Variants in APOL2 observed in about 807,000 individuals in gnomAD.
APOL2 encodes apolipoprotein L, 2.
A neutral mutation model predicts 7.1 loss-of-function variants in APOL2; 8 were observed. The observed-to-expected ratio is 1.12, with a 90% confidence interval of 0.66 to 2.03. The LOEUF is 2.03. Among genes scored for constraint, APOL2 ranks in the 30% most tolerant of loss-of-function variants. The probability of loss-of-function intolerance (pLI) is 0.00; values close to 1 mark genes in which losing one functional copy is unlikely to be tolerated. For synonymous variants in APOL2, 177 were observed against 159.9 expected, an observed-to-expected ratio of 1.11 and a Z score of -0.81; for missense variants, 471 against 415.1, an observed-to-expected ratio of 1.13 and a Z score of -1.17.
chr22:36,233,444 G>T lies in APOL2; in HGVS notation c.-122C>A. 1 of 1,550,528 alleles carries T rather than the reference G, an allele frequency of 6.4e-7. No individual in the cohort carries two copies. On this transcript the variant is annotated 5_prime_UTR_variant, in exon 2 of 5. Coordinates refer to ENST00000358502, the MANE Select transcript of APOL2 (RefSeq NM_030882.4). Reference sequence around the variant, plus strand: ...TTCCCTCACTCTCACACCAAGGCAGGGTCCTCTTGTCCTGTAGGGGTATGA... The same window carrying T: ...TTCCCTCACTCTCACACCAAGGCAGTGTCCTCTTGTCCTGTAGGGGTATGA...
rs56009920 is a variant in APOL2, at chr22:36,227,315, CAAAAAAAAAAAAAA to C, written c.*75_*88del. 6.2e-6 allele frequency: 6 copies of C among 961,132 alleles called. No individual in the cohort carries two copies. Among genetic ancestry groups the C allele is most frequent in the East Asian group, 3.1e-5 (1 of 32,266 alleles). The allele number at this position is 961,132 out of a possible 1,614,324, so 59.5% of individuals were successfully genotyped here. ...TGGGCGATAGAGCGAGACTCCATCTCAAAAAAAAAAAAAAAAAAAAAAAAAAGTCTGCATTTTGT... is the reference window on the plus strand; with the variant it reads ...TGGGCGATAGAGCGAGACTCCATCTCAAAAAAAAAAAAGTCTGCATTTTGT... On this transcript the variant is annotated 3_prime_UTR_variant, in exon 5 of 5. Transcript: ENST00000358502.
chr22:36,231,490 A>G (rs931588275), intron 3 of APOL2, 24 bp from the exon 4 acceptor site: 2 of 1,610,422 alleles, frequency 1.2e-6, no homozygotes, highest in African/African-American at 2.7e-5. Flanking sequence ...AGAAAGGATA[A>G]GGTTGGAGGA....
rs571963314 is a variant in APOL2, at chr22:36,226,285, T to A, written c.*1119A>T. The A allele has an allele frequency of 3.4e-4, 52 of 152,414 alleles. No homozygotes were observed. Among genetic ancestry groups the A allele is most frequent in the African/African-American group, 9.1e-4 (38 of 41,574 alleles). The allele number at this position is 152,414 out of a possible 1,614,324, so 9.4% of individuals were successfully genotyped here. ...GCGACAGGACAGCTCTAGAGATCTG[T>A]GCTTCCTCCCAATGCTAAACTGCTT... On this transcript the variant is annotated 3_prime_UTR_variant, in exon 5 of 5. Coordinates refer to ENST00000358502, the MANE Select transcript of APOL2 (RefSeq NM_030882.4).
chr22:36,226,674 G>A lies in APOL2; in HGVS notation c.*730C>T, dbSNP rs2017689. 28,254 of 151,164 alleles carry A rather than the reference G, an allele frequency of 0.19. 2,937 individuals are homozygous for A. Among genetic ancestry groups the A allele is most frequent in the Middle Eastern group, 0.24 (72 of 302 alleles). The allele number at this position is 151,164 out of a possible 1,614,324, so 9.4% of individuals were successfully genotyped here. The stretch of plus-strand genomic sequence containing the variant: ...AGGACATCAAACCTGGGGGGGGGTC[G>A]GTAGTGGAGCTGCTGTTTCTTCTCC... On this transcript the variant is annotated 3_prime_UTR_variant, in exon 5 of 5. Transcript: ENST00000358502.
In APOL2 at chr22:36,227,677, C is replaced by T. The variant is rs528615799; in HGVS notation, c.741G>A (p.Gly247=). Residue 247 remains glycine (G), a synonymous_variant, in exon 5 of 5, where the codon GGG becomes GGA. Transcript: ENST00000358502. ...GAYAPPPHVI[G]RISAEGGEQV... ...GTTCACCGCCTTCAGCTGAGATTCG[C>T]CCAATGACATGCGGGGGTGGGGCAT... 1.9e-6 allele frequency: 3 copies of T among 1,614,248 alleles called. No individual in the cohort carries two copies. Among genetic ancestry groups the T allele is most frequent in the African/African-American group, 2.7e-5 (2 of 75,064 alleles).
At chr22:36,235,409 T>A (rs1477040689) in intron 1 of APOL2, among the ~76,000 whole-genome samples, 1 of 150,456 alleles carries the variant, frequency 6.6e-6, no homozygotes, top group African/African-American at 2.5e-5. Context: ...ACAAAAGGAG[T>A]CCAGAACAAA....
rs371988589 is a variant in APOL2 at position 36,231,384 on chromosome 22, A to G, written c.93T>C (p.Asp31=). The G allele has an allele frequency of 6.8e-6, 11 of 1,614,042 alleles. No homozygotes were observed. The African/African-American group carries it at 1.2e-4, about 18-fold the overall frequency. Residue 31 remains aspartate (D), a synonymous_variant, in exon 4 of 5, where the codon GAT becomes GAC. Transcript: ENST00000358502. ...SRENLLQLLT[D]DEAWNGFVAA... The stretch of plus-strand genomic sequence containing the variant: ...CCACGAATCCATTCCAGGCTTCATC[A>G]TCAGTCAGCAGTTGTAGCAGATTCT...
chr22:36,227,315 C>CA lies in APOL2; in HGVS notation c.*88dup, dbSNP rs56009920. 0.014 allele frequency: 13,380 copies of CA among 957,044 alleles called. 17 individuals carry two copies. Among genetic ancestry groups the CA allele is most frequent in the South Asian group, 0.016 (845 of 51,528 alleles). 59.3% of individuals were successfully genotyped at this position (957,044 alleles called of 1,614,324 possible). A position where few individuals can be genotyped will look rare whatever the true frequency, so the allele number is the denominator to read the frequency against. ...TGGGCGATAGAGCGAGACTCCATCT[C>CA]AAAAAAAAAAAAAAAAAAAAAAAAA... On this transcript the variant is annotated 3_prime_UTR_variant, in exon 5 of 5. Transcript: ENST00000358502.
intron 4 of APOL2, among the ~76,000 whole-genome samples, chr22:36,229,247 C>T (rs1228937418): frequency 1.3e-5 from 2 of 152,154 alleles, no homozygotes; most frequent in Non-Finnish European, 2.9e-5. Context: ...TAGCAGGAAC[C>T]CCCCACTCTG....
chr22:36,233,415 C>T lies in APOL2; in HGVS notation c.-93G>A, dbSNP rs772737650. On this transcript the variant is annotated 5_prime_UTR_variant, in exon 2 of 5. Transcript: ENST00000358502. ...ACAGAAACTCACCTCGTTCCAGCTTCCTCTTCCCTCACTCTCACACCAAGG... is the reference window on the plus strand; with the variant it reads ...ACAGAAACTCACCTCGTTCCAGCTTTCTCTTCCCTCACTCTCACACCAAGG... 7.1e-6 allele frequency: 11 copies of T among 1,551,818 alleles called. No individual in the cohort carries two copies. Among genetic ancestry groups the T allele is most frequent in the Non-Finnish European group, 8.7e-6 (10 of 1,148,332 alleles).
chr22:36,236,810 A>C, intron 1 of APOL2: 1 of 1,126,072 alleles, frequency 8.9e-7, no homozygotes, highest in Non-Finnish European at 1.1e-6. Flanking sequence ...CTACGCAGCA[A>C]GACTAAAAGG....
chr22:36,229,608 C>A (rs765682816), intron 4 of APOL2, among the ~76,000 whole-genome samples: 1 of 152,190 alleles, frequency 6.6e-6, no homozygotes, highest in Non-Finnish European at 1.5e-5. Flanking sequence ...AAACCACAAT[C>A]GTGCAATAGC....
At chr22:36,239,375 T>TC in intron 1 of APOL2, 66 bp downstream of exon 1, 4 of 1,452,686 alleles carry the variant, frequency 2.8e-6, no homozygotes, top group Non-Finnish European at 3.7e-6. Flanking sequence ...AGCTGAATGA[T>TC]CCTTCCCTTA....
chr22:36,231,578 CAT>C, intron 3 of APOL2, 112 bp from the exon 4 acceptor site: 7 of 1,341,988 alleles, frequency 5.2e-6, no homozygotes, highest in Non-Finnish European at 7.3e-6. Flanking sequence ...TGATGTGGGA[CAT>C]GTTTGATGGA....
intron 1 of APOL2, 193 bp downstream of exon 1, chr22:36,239,248 C>G (rs532973296): frequency 7.3e-7 from 1 of 1,371,742 alleles, no homozygotes; most frequent in Admixed American, 3.1e-5. Flanking sequence ...ACAGTTTACC[C>G]GCCCAGCAGG....
chr22:36,236,912 G>A (rs992387749), intron 1 of APOL2: 1 of 1,304,626 alleles, frequency 7.7e-7, no homozygotes, highest in Non-Finnish European at 9.7e-7. Context: ...ACGGGAGGGG[G>A]TCTTCCCTTC....
upstream of APOL2, chr22:36,239,680 C>T (rs2015537394): frequency 1.7e-6 from 1 of 601,390 alleles, no homozygotes; most frequent in Non-Finnish European, 3.0e-6. Context: ...TGCTGCTGCA[C>T]TTAGAGGAGC....
intron 4 of APOL2, among the ~76,000 whole-genome samples, chr22:36,229,647 T>C (rs970806338): frequency 1.8e-4 from 27 of 152,228 alleles, no homozygotes; most frequent in African/African-American, 6.3e-4. Flanking sequence ...TGAGTCCTTC[T>C]AGTGAATTAT....
At chr22:36,239,577 G>A (rs1045922925), upstream of APOL2, 47 of 1,458,088 alleles carry the variant, frequency 3.2e-5, no homozygotes, top group Admixed American at 5.5e-4. Context: ...ATTCGAAAGG[G>A]AAAGTGAAAG....
Sources: gnomAD v4.1 joint callset for allele counts (sites outside exome capture counted in the v4.1 genomes callset) on GRCh38, gnomAD v4.1.1 for gene constraint, MANE v1.5 for transcripts, NCBI Gene and HGNC (gene_info 2026-07-23, HGNC 2026-07-21) for gene names.